The following STPG2 variants were observed in gnomAD, a reference collection of about 807,000 sequenced individuals.
The protein encoded by STPG2 is sperm-tail PG-rich repeat-containing protein 2.
In STPG2, 56 loss-of-function variants were observed where a neutral mutation model predicts 54.2. The ratio of observed to expected loss-of-function variants is 1.03; its 90% CI spans 0.83 to 1.29. STPG2 has a LOEUF of 1.29. Among genes scored for constraint, STPG2 ranks in the 50% most tolerant of loss-of-function variants. The probability of loss-of-function intolerance (pLI) is 0.00; values close to 1 mark genes in which losing one functional copy is unlikely to be tolerated. For missense variants in STPG2, 596 were observed against 544.9 expected (o/e 1.09, Z -0.93); for synonymous variants, 200 against 181.8 (o/e 1.10, Z -0.81).
chr4:97,863,066 A>T (rs1037319765), intron 8 of STPG2, among the ~76,000 whole-genome samples: 1 of 152,098 alleles, frequency 6.6e-6, no homozygotes, highest in Non-Finnish European at 1.5e-5. Context: ...CACATTCAAA[A>T]GCTAGCAGAA....
intron 9 of STPG2, among the ~76,000 whole-genome samples, chr4:97,778,584 G>T (rs1290095942): frequency 5.3e-5 from 8 of 152,278 alleles, no homozygotes; most frequent in African/African-American, 1.9e-4. Flanking sequence ...GAAGAGAGTA[G>T]TGGTTCTCCC....
intron 1 of STPG2, among the ~76,000 whole-genome samples, chr4:98,141,370 C>T (rs935422506): frequency 6.6e-5 from 10 of 152,150 alleles, no homozygotes; most frequent in African/African-American, 2.4e-4. Flanking sequence ...AAGAGCCAGG[C>T]ACTCTTTTAG....
chr4:97,606,440 C>A lies in STPG2; in HGVS notation c.1321-47323G>T, dbSNP rs560716180. ...AGTGAGCTGCATTGTACCAAAAATA[C>A]AGAAAGTGTAAAAATATTTTATTGG... On this transcript the variant is annotated intron_variant, in intron 10 of 10. Coordinates refer to ENST00000295268, the MANE Select transcript of STPG2 (RefSeq NM_174952.3). 4.6e-5 allele frequency among the ~76,000 whole-genome samples: 7 copies of A among 151,778 alleles called. No homozygotes were observed. The South Asian group carries it at 1.5e-3, about 31-fold the overall frequency.
chr4:98,011,205 G>A (rs567519914), intron 5 of STPG2, among the ~76,000 whole-genome samples: 5 of 152,104 alleles, frequency 3.3e-5, no homozygotes, highest in Admixed American at 6.6e-5. Context: ...GTGAGAACAT[G>A]AGGTGTTTTG....
At chr4:97,779,780 C>T (rs984290360) in intron 9 of STPG2, among the ~76,000 whole-genome samples, 1 of 152,168 alleles carries the variant, frequency 6.6e-6, no homozygotes, top group Non-Finnish European at 1.5e-5. Context: ...CAATATACAA[C>T]GTTCTTAAAG....
chr4:97,584,061 A>G (rs1363968963), intron 10 of STPG2, among the ~76,000 whole-genome samples: 1 of 151,964 alleles, frequency 6.6e-6, no homozygotes, highest in Non-Finnish European at 1.5e-5. Flanking sequence ...CATTCTACCC[A>G]ACAACTGCAG....
At chr4:97,770,558 G>GA (rs1370621894) in intron 9 of STPG2, among the ~76,000 whole-genome samples, 1 of 152,144 alleles carries the variant, frequency 6.6e-6, no homozygotes, top group East Asian at 1.9e-4. Flanking sequence ...GAGGTTTTGA[G>GA]AAAAAATTAA....
At chr4:97,748,157 A>G (rs1326736489) in intron 9 of STPG2, among the ~76,000 whole-genome samples, 1 of 151,480 alleles carries the variant, frequency 6.6e-6, no homozygotes, top group Non-Finnish European at 1.5e-5. Flanking sequence ...AGAAAGAGGG[A>G]AAGCACCTGC....
chr4:97,476,691 T>C (rs1730080306), intron 4 of STPG2, among the ~76,000 whole-genome samples: 1 of 152,212 alleles, frequency 6.6e-6, no homozygotes, highest in African/African-American at 2.4e-5. Flanking sequence ...TATCAAATTA[T>C]ATTTTAGTTG....
intron 4 of STPG2, among the ~76,000 whole-genome samples, chr4:97,476,751 T>C (rs1730082056): frequency 6.6e-6 from 1 of 152,226 alleles, no homozygotes; most frequent in Admixed American, 6.5e-5. Context: ...TTTTGCAGCA[T>C]CCTTTAAAAT....
At chr4:98,132,645 C>A (rs1317798617) in intron 2 of STPG2, among the ~76,000 whole-genome samples, 1 of 151,882 alleles carries the variant, frequency 6.6e-6, no homozygotes, top group Non-Finnish European at 1.5e-5. Context: ...ATAAAAGAAG[C>A]ACTTTACAAT....
intron 5 of STPG2, among the ~76,000 whole-genome samples, chr4:98,031,254 A>C (rs570917921): frequency 6.6e-6 from 1 of 152,338 alleles, no homozygotes; most frequent in South Asian, 2.1e-4. Flanking sequence ...AATCAACTCA[A>C]GATTGATTAA....
At chr4:97,608,894 A>G (rs562820526) in intron 10 of STPG2, among the ~76,000 whole-genome samples, 145 of 152,166 alleles carry the variant, frequency 9.5e-4, no homozygotes, top group Middle Eastern at 6.8e-3. Context: ...ATTTCAGTGT[A>G]CCAGATTCTC....
At chr4:97,951,849 G>A (rs1428307335) in intron 7 of STPG2, among the ~76,000 whole-genome samples, 1 of 152,124 alleles carries the variant, frequency 6.6e-6, no homozygotes, top group Non-Finnish European at 1.5e-5. Flanking sequence ...AACTGGTTGT[G>A]ATTAAAGCAG....
At chr4:97,707,591 C>G (rs1420320068) in intron 10 of STPG2, among the ~76,000 whole-genome samples, 1 of 151,842 alleles carries the variant, frequency 6.6e-6, no homozygotes, top group Non-Finnish European at 1.5e-5. Context: ...GATTTTAGAA[C>G]AGAGAAGGTA....
chr4:98,045,034 GGA>G (rs1488758916), intron 5 of STPG2, among the ~76,000 whole-genome samples: 1 of 151,942 alleles, frequency 6.6e-6, no homozygotes, highest in Admixed American at 6.6e-5. Flanking sequence ...GGCAGCTAAA[GGA>G]GTCTTGGACC....
chr4:97,760,154 A>C (rs1006155018), intron 9 of STPG2, among the ~76,000 whole-genome samples: 1 of 152,154 alleles, frequency 6.6e-6, no homozygotes, highest in African/African-American at 2.4e-5. Flanking sequence ...CTACTCCTAA[A>C]GCTTTTTTCA....
chr4:97,855,712 T>C (rs1729313835), intron 8 of STPG2, among the ~76,000 whole-genome samples: 1 of 152,218 alleles, frequency 6.6e-6, no homozygotes, highest in Non-Finnish European at 1.5e-5. Flanking sequence ...GAAATTGCTT[T>C]CAGTGTTTTT....
chr4:97,736,906 G>C (rs1056235212), intron 9 of STPG2, among the ~76,000 whole-genome samples: 2 of 152,186 alleles, frequency 1.3e-5, no homozygotes, highest in African/African-American at 2.4e-5. Flanking sequence ...AGACTGCCTT[G>C]TCAAGTGGGT....
Sources: gnomAD v4.1 joint callset for allele counts (sites outside exome capture counted in the v4.1 genomes callset) on GRCh38, gnomAD v4.1.1 for gene constraint, MANE v1.5 for transcripts, NCBI Gene and HGNC (gene_info 2026-07-23, HGNC 2026-07-21) for gene names.